The following ALK variants were observed in gnomAD, a reference collection of about 807,000 sequenced individuals.
The protein encoded by ALK is ALK receptor tyrosine kinase, also known as ALK tyrosine kinase receptor.
In ALK, 74 loss-of-function variants were observed where a neutral mutation model predicts 163.1. The ratio of observed to expected loss-of-function variants is 0.45; its 90% CI spans 0.38 to 0.55. The LOEUF is 0.55. Among genes scored for constraint, ALK ranks in the 20% least tolerant of loss-of-function variants. The probability of loss-of-function intolerance (pLI) is 0.00; values close to 1 mark genes in which losing one functional copy is unlikely to be tolerated. For missense variants in ALK, 2,063 were observed against 2,105.3 expected (o/e 0.98, Z 0.39); for synonymous variants, 960 against 843.2 (o/e 1.14, Z -2.40).
At chr2:29,386,928 C>T (rs1037803690) in intron 4 of ALK, among the ~76,000 whole-genome samples, 1 of 152,320 alleles carries the variant, frequency 6.6e-6, no homozygotes, top group African/African-American at 2.4e-5. Context: ...TTTGCTTACA[C>T]CCAAGTGGTC....
chr2:29,521,610 G>A (rs1672813990), intron 4 of ALK, among the ~76,000 whole-genome samples: 1 of 152,164 alleles, frequency 6.6e-6, no homozygotes, highest in Non-Finnish European at 1.5e-5. Flanking sequence ...AAAACAAAGA[G>A]GAAAAGGCAA....
At chr2:29,777,123 G>A (rs1681198743) in intron 1 of ALK, among the ~76,000 whole-genome samples, 1 of 152,216 alleles carries the variant, frequency 6.6e-6, no homozygotes, top group African/African-American at 2.4e-5. Flanking sequence ...TATGTGCTTA[G>A]GGAGGGCATC....
chr2:29,238,319 C>G (rs1573146936), intron 13 of ALK, among the ~76,000 whole-genome samples: 1 of 152,158 alleles, frequency 6.6e-6, no homozygotes, highest in East Asian at 1.9e-4. Flanking sequence ...GCCTCAGCCT[C>G]CTGAGTAGCT....
chr2:29,604,281 G>C (rs1675477082), intron 3 of ALK, among the ~76,000 whole-genome samples: 1 of 149,960 alleles, frequency 6.7e-6, no homozygotes, highest in African/African-American at 2.4e-5. Flanking sequence ...AGGTTTTGTT[G>C]GATGACAGGC....
At chr2:29,762,005 A>G (rs920845478) in intron 1 of ALK, among the ~76,000 whole-genome samples, 1 of 152,242 alleles carries the variant, frequency 6.6e-6, no homozygotes, top group African/African-American at 2.4e-5. Flanking sequence ...GAAACTATAA[A>G]TATAGAGTAG....
intron 4 of ALK, among the ~76,000 whole-genome samples, chr2:29,523,466 A>C (rs760430895): frequency 6.6e-6 from 1 of 152,180 alleles, no homozygotes; most frequent in African/African-American, 2.4e-5. Context: ...AGCATGACTC[A>C]TAGACATTTG....
At chr2:29,366,521 G>C (rs1331177099) in intron 5 of ALK, among the ~76,000 whole-genome samples, 1 of 152,174 alleles carries the variant, frequency 6.6e-6, no homozygotes, top group Non-Finnish European at 1.5e-5. Context: ...AGAGGGTGTG[G>C]GCAGACCTGG....
intron 8 of ALK, among the ~76,000 whole-genome samples, chr2:29,302,363 C>T (rs1320215908): frequency 1.3e-5 from 2 of 152,048 alleles, no homozygotes; most frequent in Non-Finnish European, 2.9e-5. Flanking sequence ...ACTGAAAATA[C>T]AAAAATTAGC....
intron 3 of ALK, among the ~76,000 whole-genome samples, chr2:29,610,216 C>A (rs1037420348): frequency 6.6e-6 from 1 of 152,054 alleles, no homozygotes; most frequent in African/African-American, 2.4e-5. Context: ...GAGTACCAAG[C>A]GACAGTTGCC....
At chr2:29,762,827 G>A (rs1174900534) in intron 1 of ALK, among the ~76,000 whole-genome samples, 5 of 152,276 alleles carry the variant, frequency 3.3e-5, no homozygotes, top group South Asian at 2.1e-4. Context: ...AGTGGCTCAC[G>A]ACTGTAATCC....
chr2:29,307,285 T>A (rs1178663134), intron 8 of ALK, among the ~76,000 whole-genome samples: 1 of 152,240 alleles, frequency 6.6e-6, no homozygotes, highest in Non-Finnish European at 1.5e-5. Flanking sequence ...GGAAATGTTC[T>A]GACGGGGCAG....
chr2:29,793,885 A>G (rs950174344), intron 1 of ALK, among the ~76,000 whole-genome samples: 3 of 152,208 alleles, frequency 2.0e-5, no homozygotes, highest in African/African-American at 7.2e-5. Flanking sequence ...TAATTTTAAA[A>G]GCCCTGGGAT....
Position 29,920,310 on chromosome 2 carries a change from G to A in ALK, c.350C>T (p.Pro117Leu), listed in dbSNP as rs201290745. Residue 117 changes from proline to leucine, a missense_variant, in exon 1 of 29, where the codon CCG (proline) becomes CTG (leucine). Physicochemically the swap from Pro to Leu is moderately conservative, Grantham distance 98 (BLOSUM62 -3). Transcript: ENST00000389048. Reference protein sequence around the residue: ...GVSWTAGSPAPAEARTLSRVL... With the variant: ...GVSWTAGSPALAEARTLSRVL... ...CCTGGACAGCGTCCGGGCCTCTGCC[G>A]GGGCTGGTGAACCGGCGGTCCAGGA... 6 of 1,559,138 alleles carry A rather than the reference G, an allele frequency of 3.8e-6. No individual in the cohort carries two copies. Among genetic ancestry groups the A allele is most frequent in the African/African-American group, 1.4e-5 (1 of 73,542 alleles).
chr2:29,215,402 G>A (rs1346859017), intron 23 of ALK, among the ~76,000 whole-genome samples: 1 of 152,230 alleles, frequency 6.6e-6, no homozygotes, highest in Admixed American at 6.5e-5. Context: ...CCGTGCTTCA[G>A]TTCTTGGGGA....
intron 4 of ALK, among the ~76,000 whole-genome samples, chr2:29,507,399 A>T (rs536005455): frequency 1.8e-3 from 277 of 152,254 alleles, no homozygotes; most frequent in Admixed American, 4.8e-3. Context: ...ACTATTGTTT[A>T]TTGGGTACAC....
At chr2:29,381,389 G>A (rs1032769424) in intron 5 of ALK, among the ~76,000 whole-genome samples, 1 of 152,244 alleles carries the variant, frequency 6.6e-6, no homozygotes, top group Non-Finnish European at 1.5e-5. Flanking sequence ...TAAGTGTAAG[G>A]ATGTAGAGAG....
At chr2:29,340,768 G>A (rs1667765083) in intron 5 of ALK, among the ~76,000 whole-genome samples, 1 of 152,102 alleles carries the variant, frequency 6.6e-6, no homozygotes, top group African/African-American at 2.4e-5. Context: ...CCCATAAGAG[G>A]CTTCCACACC....
intron 4 of ALK, among the ~76,000 whole-genome samples, chr2:29,509,608 G>T (rs974458029): frequency 1.3e-5 from 2 of 152,094 alleles, no homozygotes; most frequent in Non-Finnish European, 2.9e-5. Context: ...TCTGCCAACT[G>T]CTTCATCAAA....
chr2:29,709,577 A>G (rs1482713591), intron 2 of ALK, among the ~76,000 whole-genome samples: 3 of 152,212 alleles, frequency 2.0e-5, no homozygotes, highest in Non-Finnish European at 2.9e-5. Context: ...AGGACCACAA[A>G]TAACTAAGAC....
Sources: gnomAD v4.1 joint callset for allele counts (sites outside exome capture counted in the v4.1 genomes callset) on GRCh38, gnomAD v4.1.1 for gene constraint, MANE v1.5 for transcripts, NCBI Gene and HGNC (gene_info 2026-07-23, HGNC 2026-07-21) for gene names.